The following TCIRG1 variants were observed in gnomAD, a reference collection of about 807,000 sequenced individuals.
TCIRG1 encodes T cell immune regulator 1, ATPase H+ transporting V0 subunit a3, also known as V-type proton ATPase 116 kDa subunit a 3.
In TCIRG1, 86 loss-of-function variants were observed where a neutral mutation model predicts 95.5. That is an observed-to-expected ratio of 0.90 (90% CI 0.76 to 1.08). The LOEUF (loss-of-function observed/expected upper bound fraction) is 1.08. TCIRG1 is among the 50% of genes least tolerant of loss of function. The pLI, the probability that TCIRG1 is intolerant of heterozygous loss-of-function variation, is 0.00. For synonymous variants in TCIRG1, 499 were observed against 501.3 expected (o/e 1.00, Z 0.06); for missense variants, 1,069 against 1,140.2 (o/e 0.94, Z 0.90).
chr11:68,048,846 CCT>C (rs761815238), intron 13 of TCIRG1, 31 bp from the exon 14 acceptor site: 38 of 1,497,408 alleles, frequency 2.5e-5, no homozygotes, highest in Middle Eastern at 1.7e-4. Flanking sequence ...CGAGGGAGCC[CCT>C]GAGTCCAGCC....
intron 15 of TCIRG1, 119 bp from the exon 16 acceptor site, chr11:68,049,544 C>A: frequency 7.1e-7 from 1 of 1,403,752 alleles, no homozygotes; most frequent in South Asian, 1.2e-5. Context: ...ACGGAGCCCC[C>A]GGGGGCCCTG....
chr11:68,043,585 G>A lies in TCIRG1; in HGVS notation c.645G>A (p.Thr215=), dbSNP rs138788660. 22 of 1,610,396 alleles carry A rather than the reference G, an allele frequency of 1.4e-5. No individual in the cohort carries two copies. The African/African-American group carries it at 2.0e-4, about 15-fold the overall frequency. ...CTGCTCTGCAGGGCGAGCCAGCCAC[G>A]TGGATGACCTTCCTCATCTCCTACT... The part of the protein sequence containing the change: ...LEHPVTGEPA[T]WMTFLISYWG... Residue 215 remains threonine (T), a synonymous_variant, in exon 7 of 20, where the codon ACG becomes ACA. Coordinates refer to ENST00000265686, the MANE Select transcript of TCIRG1 (RefSeq NM_006019.4).
intron 1 of TCIRG1, among the ~76,000 whole-genome samples, chr11:68,040,210 G>A (rs1855091936): frequency 6.6e-6 from 1 of 152,202 alleles, no homozygotes; most frequent in Non-Finnish European, 1.5e-5. Flanking sequence ...ACCCAAAGAG[G>A]AAGTAGAGGC....
Position 68,049,160 on chromosome 11 carries a change from G to C in TCIRG1, c.1753G>C (p.Val585Leu). ...CCTGCTGGGACTCTTCGGTTACCTC[G>C]TGTTCCTAGTCATCTACAAGTGGCT... is the stretch of plus-strand genomic sequence containing the variant. ...TFLLGLFGYL[V>L]FLVIYKWLCV... The change falls in exon 15 of 20, where the codon GTG becomes CTG. Residue 585 changes from valine (V) to leucine (L), a missense_variant. By Grantham distance (32) the Val-to-Leu change is conservative (BLOSUM62 1). Coordinates refer to ENST00000265686, the MANE Select transcript of TCIRG1 (RefSeq NM_006019.4). The C allele has an allele frequency of 3.1e-6, 5 of 1,613,980 alleles. No homozygotes were observed. The highest frequency in any genetic ancestry group is 2.2e-5 in the South Asian group (2 of 91,090).
chr11:68,044,979 G>A lies in TCIRG1; in HGVS notation c.1042G>A (p.Val348Met), dbSNP rs146023337. 1.0e-4 allele frequency: 166 copies of A among 1,608,492 alleles called. No individual in the cohort carries two copies. Among genetic ancestry groups the A allele is most frequent in the Admixed American group, 1.5e-4 (9 of 60,030 alleles). ...DSSMEEGVSAVAHRIPCRDMP... is the reference protein window; with the variant it reads ...DSSMEEGVSAMAHRIPCRDMP... ...CCAGATGGAGGAGGGAGTGAGTGCC[G>A]TGGCTCACCGCATCCCCTGCCGGGA... is the stretch of plus-strand genomic sequence containing the variant. The change falls in exon 10 of 20, where the codon GTG (valine) becomes ATG (methionine). Residue 348 changes from valine (V) to methionine (M), a missense_variant. By Grantham distance (21) the Val-to-Met change is conservative. Transcript: ENST00000265686.
At chr11:68,046,770 C>T (rs1174118997) in intron 10 of TCIRG1, among the ~76,000 whole-genome samples, 1 of 152,100 alleles carries the variant, frequency 6.6e-6, no homozygotes, top group Non-Finnish European at 1.5e-5. Flanking sequence ...CCGGAACTTG[C>T]CATGTGCCAG....
downstream of TCIRG1, among the ~76,000 whole-genome samples, chr11:68,051,741 G>A (rs1031560627): frequency 3.9e-5 from 6 of 152,232 alleles, no homozygotes; most frequent in Admixed American, 1.3e-4. Context: ...GCTGGGGTAG[G>A]AGCAGAGAAG....
intron 10 of TCIRG1, 90 bp from the exon 11 acceptor site, chr11:68,047,343 G>A: frequency 6.9e-7 from 1 of 1,458,314 alleles, no homozygotes; most frequent in Non-Finnish European, 9.3e-7. Flanking sequence ...GTTCTTGACT[G>A]CAGGCCAGCA....
rs1292916721 is a variant in TCIRG1, at chr11:68,048,776, G to A, written c.1555-103G>A. The stretch of plus-strand genomic sequence containing the variant: ...GGTGATGGATGAGGCTGCAGGCTCC[G>A]AGGGGGAAAACAGGGTGGTGAGAGA... On this transcript the variant is annotated intron_variant, in intron 13 of 19. Transcript: ENST00000265686. 1.6e-5 allele frequency: 15 copies of A among 921,614 alleles called. No homozygotes were observed. The East Asian group carries it at 2.1e-4, about 13-fold the overall frequency. The allele number at this position is 921,614 out of a possible 1,614,324, so 57.1% of individuals were successfully genotyped here.
chr11:68,049,410 C>T (rs1279822513), intron 15 of TCIRG1, 116 bp downstream of exon 15: 11 of 1,189,436 alleles, frequency 9.2e-6, no homozygotes, highest in Admixed American at 2.3e-5. Flanking sequence ...GGCCCCGGGC[C>T]GTGCAGACAG....
chr11:68,050,401 A>G, intron 18 of TCIRG1, 86 bp from the exon 19 acceptor site: 1 of 1,609,824 alleles, frequency 6.2e-7, no homozygotes, highest in South Asian at 1.1e-5. Flanking sequence ...CCCCCCGTGC[A>G]GGGAGGGCTT....
In TCIRG1 at chr11:68,047,758, C is replaced by T. The variant is rs750456593; in HGVS notation, c.1417C>T (p.Pro473Ser). ...CTTCAGTCGCGCCACCAGCATCTTC[C>T]CCTCGGGCTGGAGTGTGGCCGCCAT... The part of the protein sequence containing the change: ...ECFSRATSIF[P>S]SGWSVAAMAN... Residue 473 changes from proline to serine, a missense_variant, in exon 12 of 20, where the codon CCC becomes TCC. By Grantham distance (74) the Pro-to-Ser change is moderately conservative. Coordinates refer to ENST00000265686, the MANE Select transcript of TCIRG1 (RefSeq NM_006019.4). 3.7e-6 allele frequency: 6 copies of T among 1,613,164 alleles called. No individual in the cohort carries two copies. In the African/African-American group the frequency reaches 4.0e-5, roughly 11 times the overall value.
Position 68,049,978 on chromosome 11 carries a change from G to T in TCIRG1, c.2030G>T (p.Gly677Val), listed in dbSNP as rs1269457075. 1.2e-6 allele frequency: 2 copies of T among 1,611,980 alleles called. No homozygotes were observed. The highest frequency in any genetic ancestry group is 2.2e-5 in the East Asian group (1 of 44,858). The change falls in exon 17 of 20, where the codon GGG becomes GTG. Residue 677 changes from glycine to valine, a missense_variant. Gly to Val is a moderately radical substitution (Grantham distance 109). Transcript: ENST00000265686. ...ATGCCCCAGGAGGAAAACAAGGCCG[G>T]GTTGCTGGACCTGCCTGACGCATCT... ...PADRQEENKA[G>V]LLDLPDASVN... is the part of the protein sequence containing the mutation.
At chr11:68,042,543 A>G in intron 3 of TCIRG1, 100 bp from the exon 4 acceptor site, 1 of 989,482 alleles carries the variant, frequency 1.0e-6, no homozygotes, top group South Asian at 1.5e-5. Context: ...CACCTGGTGA[A>G]TCCAGCAGCT....
intron 10 of TCIRG1, among the ~76,000 whole-genome samples, chr11:68,046,220 G>C (rs1855477345): frequency 6.6e-6 from 1 of 152,198 alleles, no homozygotes; most frequent in South Asian, 2.1e-4. Context: ...CAAGGTGTCA[G>C]CAGGGGCCGG....
At chr11:68,044,897 G>C in intron 9 of TCIRG1, 61 bp from the exon 10 acceptor site, 1 of 1,598,384 alleles carries the variant, frequency 6.3e-7, no homozygotes. Flanking sequence ...CCTGGCTGGA[G>C]ATCCCAGGGT....
In TCIRG1 at chr11:68,043,867, C is replaced by T; in HGVS notation, c.767C>T (p.Ala256Val). Reference sequence around the variant, plus strand: ...CAGCAGGAGGAGGCCCGCCTCGGGGCCCTGCAGCAGCTGCAACAGCAGAGC... The same window carrying T: ...CAGCAGGAGGAGGCCCGCCTCGGGGTCCTGCAGCAGCTGCAACAGCAGAGC... Reference protein sequence around the residue: ...FLQQEEARLGALQQLQQQSQE... With the variant: ...FLQQEEARLGVLQQLQQQSQE... The change falls in exon 8 of 20, where the codon GCC (alanine) becomes GTC (valine). Residue 256 changes from alanine (A) to valine (V), a missense_variant. By Grantham distance (64) the Ala-to-Val change is moderately conservative (BLOSUM62 0). Transcript: ENST00000265686. 6.4e-7 allele frequency: 1 copy of T among 1,568,096 alleles called. No homozygotes were observed.
intron 13 of TCIRG1, 36 bp downstream of exon 13, chr11:68,048,008 G>A (rs766597849): frequency 6.3e-7 from 1 of 1,591,228 alleles, no homozygotes; most frequent in East Asian, 2.2e-5. Flanking sequence ...GGGTGGTGAA[G>A]GCAGCTGGGA....
chr11:68,044,931 C>G, intron 9 of TCIRG1, 27 bp from the exon 10 acceptor site: 3 of 1,605,016 alleles, frequency 1.9e-6, no homozygotes, highest in Non-Finnish European at 2.5e-6. Context: ...CGCCACCGTT[C>G]TGGTCTGTCT....
Sources: gnomAD v4.1 joint callset for allele counts (sites outside exome capture counted in the v4.1 genomes callset) on GRCh38, gnomAD v4.1.1 for gene constraint, MANE v1.5 for transcripts, NCBI Gene and HGNC (gene_info 2026-07-23, HGNC 2026-07-21) for gene names.